PDZRN3: variants seen among roughly 807,000 people sequenced by gnomAD.
The protein encoded by PDZRN3 is PDZ domain containing ring finger 3.
PDZRN3 carries 38 observed loss-of-function variants against 85.7 expected under a neutral mutation model. The observed-to-expected ratio is 0.44, with a 90% CI of 0.34 to 0.58. The LOEUF (loss-of-function observed/expected upper bound fraction) is 0.58, where lower values mean the gene tolerates loss of function less well. Among genes scored for constraint, PDZRN3 ranks in the 20% least tolerant of loss-of-function variants. PDZRN3 has a pLI of 0.01. For synonymous variants in PDZRN3, 759 were observed against 638.0 expected (o/e 1.19, Z -2.86); for missense variants, 1,629 against 1,506.4 (o/e 1.08, Z -1.35).
At chr3:73,424,796 TAGTC>T (rs1702278474) in intron 3 of PDZRN3, among the ~76,000 whole-genome samples, 1 of 152,090 alleles carries the variant, frequency 6.6e-6, no homozygotes, top group Non-Finnish European at 1.5e-5. Flanking sequence ...CTTAACTTCA[TAGTC>T]AGGGTGAAGC....
At chr3:73,504,355 T>C (rs530713573) in intron 3 of PDZRN3, among the ~76,000 whole-genome samples, 1 of 152,326 alleles carries the variant, frequency 6.6e-6, no homozygotes, top group South Asian at 2.1e-4. Context: ...AAGAATAGAT[T>C]TGTTTTTACT....
intron 3 of PDZRN3, among the ~76,000 whole-genome samples, chr3:73,503,712 A>T (rs1559712489): frequency 6.6e-6 from 1 of 152,138 alleles, no homozygotes; most frequent in Non-Finnish European, 1.5e-5. Context: ...TCTGAACTCA[A>T]CTCTCTCAGT....
chr3:73,567,568 T>TA (rs1242251714), intron 3 of PDZRN3, among the ~76,000 whole-genome samples: 105 of 152,028 alleles, frequency 6.9e-4, no homozygotes, highest in Admixed American at 4.0e-3. Flanking sequence ...CCCACTGAAT[T>TA]AGAAAAAACT....
At chr3:73,533,608 A>T (rs1032920080) in intron 3 of PDZRN3, among the ~76,000 whole-genome samples, 1 of 152,060 alleles carries the variant, frequency 6.6e-6, no homozygotes, top group Non-Finnish European at 1.5e-5. Context: ...AACGTATCCC[A>T]TATAAGAAAC....
At chr3:73,607,098 G>A (rs1702612297) in intron 2 of PDZRN3, among the ~76,000 whole-genome samples, 1 of 152,102 alleles carries the variant, frequency 6.6e-6, no homozygotes, top group South Asian at 2.1e-4. Context: ...GGCCTTGTAT[G>A]AGCGCCAATC....
At chr3:73,391,289 C>T (rs199500073) in intron 5 of PDZRN3, among the ~76,000 whole-genome samples, 173 bp from the exon 6 acceptor site, 6 of 152,188 alleles carry the variant, frequency 3.9e-5, no homozygotes, top group East Asian at 3.9e-4. Context: ...AGGATCAATG[C>T]CTACGGCATT....
In PDZRN3 at chr3:73,624,933, C is replaced by G. The variant is rs1702949371; in HGVS notation, c.-108G>C. 1.2e-6 allele frequency: 1 copy of G among 837,210 alleles called. No homozygotes were observed. Among genetic ancestry groups the G allele is most frequent in the Admixed American group, 4.4e-5 (1 of 22,626 alleles). The allele number at this position is 837,210 out of a possible 1,614,324, so 51.9% of individuals were successfully genotyped here. A position where few individuals can be genotyped will look rare whatever the true frequency, so the allele number is the denominator to read the frequency against. On this transcript the variant is annotated 5_prime_UTR_variant, in exon 1 of 10. Coordinates refer to ENST00000263666, the MANE Select transcript of PDZRN3 (RefSeq NM_015009.3). ...CGCCGCCCGCGCGCTCGCTGGCTCT[C>G]CCCGGACTGAGCCTAATTGATCCAG...
intron 3 of PDZRN3, among the ~76,000 whole-genome samples, chr3:73,483,587 G>A (rs1703608265): frequency 6.6e-6 from 1 of 152,188 alleles, no homozygotes; most frequent in South Asian, 2.1e-4. Flanking sequence ...TTTTTTAAGT[G>A]GCATATATGG....
intron 3 of PDZRN3, among the ~76,000 whole-genome samples, chr3:73,446,570 C>T (rs1702751934): frequency 6.6e-6 from 1 of 152,146 alleles, no homozygotes; most frequent in African/African-American, 2.4e-5. Flanking sequence ...AGTTTCAAAA[C>T]AGAGTAAGTT....
intron 3 of PDZRN3, among the ~76,000 whole-genome samples, chr3:73,447,105 T>G (rs1702765724): frequency 6.7e-6 from 1 of 148,696 alleles, no homozygotes; most frequent in African/African-American, 2.5e-5. Context: ...ATATTAGATC[T>G]AATATATATA....
intron 3 of PDZRN3, among the ~76,000 whole-genome samples, chr3:73,502,521 A>T (rs1215152614): frequency 6.6e-6 from 1 of 152,192 alleles, no homozygotes; most frequent in Admixed American, 6.5e-5. Context: ...TTTAACATTT[A>T]TCTTTCTGAG....
chr3:73,575,313 G>A (rs548945859), intron 3 of PDZRN3, among the ~76,000 whole-genome samples: 1 of 152,192 alleles, frequency 6.6e-6, no homozygotes, highest in South Asian at 2.1e-4. Flanking sequence ...CAACTCCACT[G>A]TACTACCTTA....
At chr3:73,391,970 G>T (rs556614019) in intron 5 of PDZRN3, among the ~76,000 whole-genome samples, 1 of 152,338 alleles carries the variant, frequency 6.6e-6, no homozygotes, top group African/African-American at 2.4e-5. Flanking sequence ...CCAAGCAGGA[G>T]AATGGAGGGG....
At chr3:73,436,894 A>C (rs1463861054) in intron 3 of PDZRN3, among the ~76,000 whole-genome samples, 4 of 151,798 alleles carry the variant, frequency 2.6e-5, no homozygotes, top group Non-Finnish European at 5.9e-5. Context: ...AAAATACAAA[A>C]AATTAGCCAG....
chr3:73,609,012 G>A (rs766887905), intron 1 of PDZRN3, among the ~76,000 whole-genome samples: 14 of 152,134 alleles, frequency 9.2e-5, no homozygotes, highest in Non-Finnish European at 1.8e-4. Context: ...CCCATCGTAC[G>A]CAGGCTGTCT....
intron 3 of PDZRN3, among the ~76,000 whole-genome samples, chr3:73,523,141 G>A (rs1704413255): frequency 6.6e-6 from 1 of 152,088 alleles, no homozygotes; most frequent in African/African-American, 2.4e-5. Context: ...TCCTGCCTCG[G>A]CCTCCTGAGT....
intron 3 of PDZRN3, among the ~76,000 whole-genome samples, chr3:73,553,432 C>T (rs1267162543): frequency 3.3e-5 from 5 of 151,930 alleles, no homozygotes; most frequent in African/African-American, 7.3e-5. Context: ...AAAAATTAGC[C>T]GGGCGTGGTG....
intron 1 of PDZRN3, among the ~76,000 whole-genome samples, chr3:73,622,510 A>C (rs990472447): frequency 2.0e-5 from 3 of 152,228 alleles, no homozygotes; most frequent in Admixed American, 2.0e-4. Flanking sequence ...TGGCTTCTGC[A>C]ATCAGGGAAA....
chr3:73,578,969 C>A (rs1425292625), intron 3 of PDZRN3, among the ~76,000 whole-genome samples: 3 of 152,156 alleles, frequency 2.0e-5, no homozygotes, highest in Non-Finnish European at 4.4e-5. Context: ...TCAGTAATAT[C>A]TGAAGACAAA....
Sources: allele counts gnomAD v4.1 joint callset (sites outside exome capture counted in the v4.1 genomes callset), GRCh38; gene constraint gnomAD v4.1.1; transcripts MANE v1.5; gene names NCBI Gene and HGNC (gene_info 2026-07-23, HGNC 2026-07-21).